The following ASPH variants were observed in gnomAD, a reference collection of about 807,000 sequenced individuals.
ASPH encodes the protein aspartate beta-hydroxylase.
ASPH carries 100 observed loss-of-function variants against 118.4 expected under a neutral mutation model. That is an observed-to-expected ratio of 0.84 (90% CI 0.72 to 1.00). The LOEUF (loss-of-function observed/expected upper bound fraction) is 1.00, where lower values mean the gene tolerates loss of function less well. Ranked by LOEUF, ASPH falls within the 50% of genes least tolerant of loss-of-function variation. The probability of loss-of-function intolerance (pLI) is 0.00; values close to 1 mark genes in which losing one functional copy is unlikely to be tolerated. For missense variants in ASPH, 920 were observed against 919.5 expected (o/e 1.00, Z -0.01); for synonymous variants, 315 against 325.6 (o/e 0.97, Z 0.35).
intron 24 of ASPH, among the ~76,000 whole-genome samples, chr8:61,509,712 G>C (rs1214410825): frequency 1.3e-5 from 2 of 152,064 alleles, no homozygotes; most frequent in East Asian, 1.9e-4. Context: ...TCTGACAATA[G>C]GGCTGTAGAG....
chr8:61,646,572 A>G (rs1808085960), intron 6 of ASPH, among the ~76,000 whole-genome samples, 178 bp downstream of exon 6: 1 of 152,192 alleles, frequency 6.6e-6, no homozygotes, highest in East Asian at 1.9e-4. Context: ...AGTGCTTTGA[A>G]CCAAAATCAA....
rs1481153686 is a variant in ASPH, at chr8:61,663,004, ATTGT to A, written c.323-9348_323-9345del. 3.0e-6 allele frequency: 3 copies of A among 985,468 alleles called. No homozygotes were observed. In the Admixed American group the frequency reaches 1.8e-4, roughly 60 times the overall value. 61.0% of individuals were successfully genotyped at this position (985,468 alleles called of 1,614,324 possible). A position where few individuals can be genotyped will look rare whatever the true frequency, so the allele number is the denominator to read the frequency against. On this transcript the variant is annotated intron_variant, in intron 3 of 24. Coordinates refer to ENST00000379454, the MANE Select transcript of ASPH (RefSeq NM_004318.4). Reference sequence around the variant, plus strand: ...AATGCTCTCAACAAATTCACTTATAATTGTTTGCCCTTCTTCAAGAGAGAACAAA... The same window carrying A: ...AATGCTCTCAACAAATTCACTTATAATTGCCCTTCTTCAAGAGAGAACAAA...
intron 12 of ASPH, among the ~76,000 whole-genome samples, chr8:61,637,127 A>T (rs562868661): frequency 2.0e-5 from 3 of 152,288 alleles, no homozygotes; most frequent in Admixed American, 1.3e-4. Context: ...TTTAAGAGTA[A>T]TTGTAAGAGC....
At chr8:61,675,956 C>A in intron 3 of ASPH, 1 of 1,513,532 alleles carries the variant, frequency 6.6e-7, no homozygotes, top group Non-Finnish European at 8.8e-7. Context: ...GGTTGACTTG[C>A]ACGGTAAGAT....
intron 18 of ASPH, among the ~76,000 whole-genome samples, chr8:61,562,169 A>G (rs1307578644): frequency 1.3e-5 from 2 of 152,124 alleles, no homozygotes; most frequent in Non-Finnish European, 2.9e-5. Context: ...AAGAAGTCAC[A>G]TTTCTCTAGA....
chr8:61,527,409 T>C (rs1411633863), intron 21 of ASPH, among the ~76,000 whole-genome samples: 4 of 152,202 alleles, frequency 2.6e-5, no homozygotes, highest in Non-Finnish European at 5.9e-5. Flanking sequence ...GGCTGTGATA[T>C]AGACAGAGAT....
intron 21 of ASPH, among the ~76,000 whole-genome samples, chr8:61,542,482 T>A (rs923377447): frequency 2.0e-5 from 3 of 152,192 alleles, no homozygotes; most frequent in Non-Finnish European, 4.4e-5. Flanking sequence ...TTCAAGGGCA[T>A]ACAGAAATTT....
chr8:61,514,688 G>A lies in ASPH; in HGVS notation c.2126+2840C>T, dbSNP rs553480871. On this transcript the variant is annotated intron_variant, in intron 24 of 24. Transcript: ENST00000379454. ...CGCCCCATTGTACTCCAGCCTGGGC[G>A]ACAGAGCGAGACTCTGTCTCAAAAA... 5.9e-4 allele frequency among the ~76,000 whole-genome samples: 90 copies of A among 152,168 alleles called. 1 individual carries two copies. The Middle Eastern group carries it at 0.027, about 46-fold the overall frequency.
intron 1 of ASPH, among the ~76,000 whole-genome samples, chr8:61,688,446 G>A (rs1174056100): frequency 2.6e-5 from 4 of 152,096 alleles, no homozygotes; most frequent in Non-Finnish European, 2.9e-5. Flanking sequence ...AACAAAAGCC[G>A]GGGGAAGGGC....
intron 24 of ASPH, among the ~76,000 whole-genome samples, chr8:61,514,139 A>C (rs551454385): frequency 1.3e-5 from 2 of 151,750 alleles, no homozygotes; most frequent in African/African-American, 2.4e-5. Flanking sequence ...CATGCCCAAC[A>C]TGCATCTTAA....
At chr8:61,586,113 T>C (rs1000624838) in intron 14 of ASPH, among the ~76,000 whole-genome samples, 2 of 152,180 alleles carry the variant, frequency 1.3e-5, no homozygotes, top group African/African-American at 4.8e-5. Context: ...ATGATCCCTT[T>C]CCTTGACTTT....
At chr8:61,686,182 T>C (rs56383954) in intron 1 of ASPH, among the ~76,000 whole-genome samples, 1 of 152,346 alleles carries the variant, frequency 6.6e-6, no homozygotes, top group Non-Finnish European at 1.5e-5. Context: ...TTGTTTCTAA[T>C]GTGATCTATA....
intron 2 of ASPH, among the ~76,000 whole-genome samples, chr8:61,682,964 T>A (rs1470015104): frequency 6.6e-6 from 1 of 152,076 alleles, no homozygotes; most frequent in Admixed American, 6.6e-5. Context: ...ACAACCCAAA[T>A]GTCCATCACT....
At chr8:61,711,298 G>T (rs1365182500) in intron 1 of ASPH, among the ~76,000 whole-genome samples, 1 of 152,048 alleles carries the variant, frequency 6.6e-6, no homozygotes, top group Non-Finnish European at 1.5e-5. Flanking sequence ...ACACATACGA[G>T]TGTCTACAAA....
At chr8:61,550,757 CT>C (rs1825717802) in intron 20 of ASPH, among the ~76,000 whole-genome samples, 1 of 152,352 alleles carries the variant, frequency 6.6e-6, no homozygotes, top group African/African-American at 2.4e-5. Flanking sequence ...TTGAAATAAA[CT>C]GAGACCAAGC....
At chr8:61,528,518 T>A (rs2129629113) in intron 21 of ASPH, among the ~76,000 whole-genome samples, 1 of 152,332 alleles carries the variant, frequency 6.6e-6, no homozygotes, top group South Asian at 2.1e-4. Flanking sequence ...GACAACCTAT[T>A]CCTTTATTCC....
chr8:61,691,021 G>A (rs748868538), intron 1 of ASPH, among the ~76,000 whole-genome samples: 2 of 152,084 alleles, frequency 1.3e-5, no homozygotes, highest in Non-Finnish European at 1.5e-5. Context: ...TCAAATAAAT[G>A]AGGTGTTACT....
At chr8:61,626,386 T>A (rs749611623) in intron 13 of ASPH, 243 of 1,272,524 alleles carry the variant, frequency 1.9e-4, no homozygotes, top group Admixed American at 3.2e-4. Context: ...CAAAGTAATT[T>A]TTTTTTTTTG....
At chr8:61,675,797 T>C in intron 3 of ASPH, 1 of 1,232,232 alleles carries the variant, frequency 8.1e-7, no homozygotes. Flanking sequence ...AACAAAACGA[T>C]ACAGAAACCA....
Sources: allele counts gnomAD v4.1 joint callset (sites outside exome capture counted in the v4.1 genomes callset), GRCh38; gene constraint gnomAD v4.1.1; transcripts MANE v1.5; gene names NCBI Gene and HGNC (gene_info 2026-07-23, HGNC 2026-07-21).